Variants in UTRN observed in about 807,000 individuals in gnomAD.
UTRN encodes dystrophin-related protein 1.
A neutral mutation model predicts 463.9 loss-of-function variants in UTRN; 283 were observed. The observed-to-expected ratio is 0.61, with a 90% confidence interval of 0.55 to 0.67. The LOEUF (loss-of-function observed/expected upper bound fraction) is 0.67. Among genes scored for constraint, UTRN ranks in the 30% least tolerant of loss-of-function variants. The pLI, the probability that UTRN is intolerant of heterozygous loss-of-function variation, is 0.00. For synonymous variants in UTRN, 1,442 were observed against 1,431.5 expected (o/e 1.01, Z -0.17); for missense variants, 3,922 against 4,084.3 (o/e 0.96, Z 1.08).
At position 144,458,841 on chromosome 6, in the gene UTRN, C is replaced by T. The variant is rs183833148; in HGVS notation, c.2356C>T (p.His786Tyr). 3 of 1,613,400 alleles carry T rather than the reference C, an allele frequency of 1.9e-6. No homozygotes were observed. Among genetic ancestry groups the T allele is most frequent in the Admixed American group, 1.7e-5 (1 of 59,856 alleles). The change falls in exon 20 of 75, where the codon CAT (histidine) becomes TAT (tyrosine). Residue 786 changes from histidine (H) to tyrosine (Y), a missense_variant. This residue lies in a region of UTRN where 2,349 missense variants were observed against 2,303.8 expected (regional missense o/e 1.02). Transcript: ENST00000367545. ...VSSEWKNVSQHLEDLERKIQL... is the reference protein window; with the variant it reads ...VSSEWKNVSQYLEDLERKIQL... The stretch of plus-strand genomic sequence containing the variant: ...ATCAGAATGGAAGAATGTATCTCAA[C>T]ATTTGGAAGATCTAGAAAGAAAGAT...
intron 2 of UTRN, among the ~76,000 whole-genome samples, chr6:144,371,488 C>T (rs1200355743): frequency 2.6e-5 from 4 of 152,048 alleles, no homozygotes; most frequent in South Asian, 2.1e-4. Context: ...CTCGGCTCAC[C>T]GCAACCTCCG....
chr6:144,580,219 GGCA>G (rs777616060), intron 51 of UTRN, among the ~76,000 whole-genome samples: 8 of 115,798 alleles, frequency 6.9e-5, no homozygotes, highest in African/African-American at 2.8e-4. Flanking sequence ...GCATGGTGGT[GGCA>G]GTGGTGGTGG....
intron 50 of UTRN, among the ~76,000 whole-genome samples, chr6:144,574,578 T>G (rs540582664): frequency 1.3e-5 from 2 of 152,078 alleles, no homozygotes; most frequent in African/African-American, 4.8e-5. Context: ...GGTGGTTTTT[T>G]TTGTTGTTGT....
At chr6:144,703,715 T>C (rs766322316) in intron 53 of UTRN, among the ~76,000 whole-genome samples, 10 of 152,172 alleles carry the variant, frequency 6.6e-5, no homozygotes, top group Non-Finnish European at 1.5e-4. Context: ...GAGACCATCT[T>C]GTTGACCTTG....
At chr6:144,753,889 C>A (rs766596764) in intron 56 of UTRN, among the ~76,000 whole-genome samples, 1 of 151,574 alleles carries the variant, frequency 6.6e-6, no homozygotes, top group African/African-American at 2.4e-5. Context: ...AAAACCAAAA[C>A]CAAAAATGTA....
At chr6:144,681,668 C>A (rs1044771104) in intron 52 of UTRN, among the ~76,000 whole-genome samples, 1 of 151,756 alleles carries the variant, frequency 6.6e-6, no homozygotes, top group Non-Finnish European at 1.5e-5. Flanking sequence ...GTCTCGTTAT[C>A]TCAAGGAACT....
chr6:144,674,875 T>G (rs9484896), intron 51 of UTRN, among the ~76,000 whole-genome samples: 3,336 of 152,322 alleles, frequency 0.022, 118 homozygotes, highest in African/African-American at 0.076. Context: ...AAAATTTCTT[T>G]AAGGTAGTTT....
At chr6:144,478,701 C>A (rs915548274) in intron 25 of UTRN, among the ~76,000 whole-genome samples, 3 of 152,180 alleles carry the variant, frequency 2.0e-5, no homozygotes, top group African/African-American at 7.2e-5. Context: ...TTACTATCCA[C>A]CTAGCAGCCA....
chr6:144,529,313 A>C (rs1208291479), intron 41 of UTRN, among the ~76,000 whole-genome samples: 5 of 152,236 alleles, frequency 3.3e-5, no homozygotes, highest in Admixed American at 3.3e-4. Context: ...TGCAGCATGC[A>C]GCAGCATTCC....
chr6:144,694,684 G>A lies in UTRN; in HGVS notation c.7653-5403G>A, dbSNP rs893116401. On this transcript the variant is annotated intron_variant, in intron 52 of 74. Transcript: ENST00000367545. ...TTTTCTAGTTTATGTGCATAGAGGT[G>A]TTCATAATATTCTCTGATGGTTGTA... Among the ~76,000 whole-genome samples, 3 of 152,144 alleles carry A rather than the reference G, an allele frequency of 2.0e-5. 1 individual carries two copies. Among genetic ancestry groups the A allele is most frequent in the African/African-American group, 7.2e-5 (3 of 41,432 alleles).
rs892120427 is a variant in UTRN at position 144,316,901 on chromosome 6, T to C, written c.79+24994T>C. ...TTCTTACAGAGAGCCACATAGGAAG[T>C]AGGATTTTGAAAAAGCAAAAATCAA... On this transcript the variant is annotated intron_variant, in intron 2 of 74. Coordinates refer to ENST00000367545, the MANE Select transcript of UTRN (RefSeq NM_007124.3). Among the ~76,000 whole-genome samples the C allele has an allele frequency of 2.6e-4, 40 of 152,266 alleles. 1 individual carries two copies. The South Asian group carries it at 4.1e-3, about 16-fold the overall frequency.
chr6:144,713,828 G>A (rs1441878993), intron 53 of UTRN, among the ~76,000 whole-genome samples: 6 of 150,980 alleles, frequency 4.0e-5, no homozygotes, highest in African/African-American at 1.5e-4. Context: ...GCTGAGGCAG[G>A]AGAATCGCTT....
intron 39 of UTRN, among the ~76,000 whole-genome samples, chr6:144,518,257 T>C (rs1441102106): frequency 6.6e-6 from 1 of 152,234 alleles, no homozygotes; most frequent in African/African-American, 2.4e-5. Flanking sequence ...CCCAAAGTCA[T>C]GGCTGATCAT....
intron 9 of UTRN, among the ~76,000 whole-genome samples, chr6:144,430,210 G>T (rs1785672545): frequency 6.6e-6 from 1 of 151,942 alleles, no homozygotes; most frequent in Non-Finnish European, 1.5e-5. Context: ...TTTCCTTTAG[G>T]AGGAGTAATG....
At chr6:144,633,670 A>T (rs991426746) in intron 51 of UTRN, among the ~76,000 whole-genome samples, 1 of 152,226 alleles carries the variant, frequency 6.6e-6, no homozygotes, top group African/African-American at 2.4e-5. Flanking sequence ...TCAAAAGGAA[A>T]AGCAATCTAA....
At chr6:144,789,115 A>C (rs190758044) in intron 61 of UTRN, 79 bp from the exon 62 acceptor site, 2 of 1,171,766 alleles carry the variant, frequency 1.7e-6, no homozygotes, top group African/African-American at 1.6e-5. Context: ...ACCCCCAAGA[A>C]AATAGATATT....
chr6:144,716,865 A>T (rs538159647), intron 53 of UTRN, among the ~76,000 whole-genome samples: 1 of 152,292 alleles, frequency 6.6e-6, no homozygotes, highest in East Asian at 1.9e-4. Flanking sequence ...AATGGCCTCT[A>T]TTGTGGCCAT....
intron 51 of UTRN, among the ~76,000 whole-genome samples, 158 bp downstream of exon 51, chr6:144,577,446 C>T (rs555393851): frequency 2.6e-5 from 4 of 152,196 alleles, no homozygotes; most frequent in African/African-American, 9.6e-5. Flanking sequence ...GAAATAAGCT[C>T]TATTAGATAT....
chr6:144,601,159 A>G (rs1269273524), intron 51 of UTRN, among the ~76,000 whole-genome samples: 1 of 152,230 alleles, frequency 6.6e-6, no homozygotes, highest in Non-Finnish European at 1.5e-5. Flanking sequence ...TGCTATTTTC[A>G]TGCCTACTAA....
Sources: gnomAD v4.1 joint callset for allele counts (sites outside exome capture counted in the v4.1 genomes callset) on GRCh38, gnomAD v4.1.1 for gene constraint, gnomAD v4.1.1 regional missense constraint, MANE v1.5 for transcripts, NCBI Gene and HGNC (gene_info 2026-07-23, HGNC 2026-07-21) for gene names.